PTPRN2: variants seen among roughly 807,000 people sequenced by gnomAD.
The protein encoded by PTPRN2 is receptor-type tyrosine-protein phosphatase N2.
In PTPRN2, 74 loss-of-function variants were observed where a neutral mutation model predicts 118.8. That is an observed-to-expected ratio of 0.62 (90% CI 0.52 to 0.76). The LOEUF (loss-of-function observed/expected upper bound fraction) is 0.76. PTPRN2 is among the 30% of genes least tolerant of loss of function. PTPRN2 has a pLI of 0.00. For missense variants in PTPRN2, 1,481 were observed against 1,394.4 expected (o/e 1.06, Z -0.99); for synonymous variants, 641 against 608.0 (o/e 1.05, Z -0.80).
At position 157,782,379 on chromosome 7, in the gene PTPRN2, G is replaced by A. The variant is rs571612344; in HGVS notation, c.1789-99442C>T. 3.7e-4 allele frequency among the ~76,000 whole-genome samples: 56 copies of A among 152,354 alleles called. No homozygotes were observed. In the South Asian group the frequency reaches 6.4e-3, roughly 17 times the overall value. On this transcript the variant is annotated intron_variant, in intron 12 of 22. Coordinates refer to ENST00000389418, the MANE Select transcript of PTPRN2 (RefSeq NM_002847.5). The stretch of plus-strand genomic sequence containing the variant: ...CCAGGCGGAATCGGTTCCAGCAGGC[G>A]TCTGGGAGGGCCGGTTTGGCCCCAG...
chr7:157,957,051 G>A (rs770854001), intron 11 of PTPRN2, among the ~76,000 whole-genome samples: 1 of 152,200 alleles, frequency 6.6e-6, no homozygotes, highest in Non-Finnish European at 1.5e-5. Flanking sequence ...CCACATGAGC[G>A]AATGGCCACT....
chr7:158,206,572 G>GGA (rs956452390), intron 3 of PTPRN2, among the ~76,000 whole-genome samples: 7 of 152,014 alleles, frequency 4.6e-5, no homozygotes, highest in African/African-American at 9.6e-5. Context: ...GGGGAGGGGG[G>GGA]GAGAGAGAGA....
In PTPRN2 at chr7:157,603,311, G is replaced by C. The variant is rs531036894; in HGVS notation, c.2418+691C>G. ...TGCTCCCCCGACAGGTCATGACAGG[G>C]AAGGGGGATGCCCAGAGTTAAATAG... On this transcript the variant is annotated intron_variant, in intron 16 of 22. Coordinates refer to ENST00000389418, the MANE Select transcript of PTPRN2 (RefSeq NM_002847.5). The surrounding 1 kb of genome is among the most constrained non-coding windows in gnomAD (Gnocchi z 5.4). Among the ~76,000 whole-genome samples the C allele has an allele frequency of 2.0e-4, 30 of 152,298 alleles. No individual in the cohort carries two copies. Among genetic ancestry groups the C allele is most frequent in the African/African-American group, 7.2e-4 (30 of 41,566 alleles).
At chr7:158,010,416 C>A (rs1805958047) in intron 11 of PTPRN2, among the ~76,000 whole-genome samples, 1 of 152,210 alleles carries the variant, frequency 6.6e-6, no homozygotes, top group Non-Finnish European at 1.5e-5. Context: ...GTACACACTA[C>A]ATCATTTCTA....
intron 11 of PTPRN2, among the ~76,000 whole-genome samples, chr7:157,914,865 G>T (rs1038527721): frequency 6.6e-6 from 1 of 151,752 alleles, no homozygotes; most frequent in South Asian, 2.1e-4. Context: ...GTCTCTGTGG[G>T]CTGCGTTTTA....
chr7:158,430,906 C>G (rs957347543), intron 2 of PTPRN2, among the ~76,000 whole-genome samples: 2 of 152,230 alleles, frequency 1.3e-5, no homozygotes, highest in African/African-American at 4.8e-5. Flanking sequence ...CAGTGGCCAT[C>G]TGACCCTGGC....
Position 158,327,151 on chromosome 7 carries a change from G to A in PTPRN2, c.164-10219C>T, listed in dbSNP as rs1448239866. On this transcript the variant is annotated intron_variant, in intron 2 of 22. Transcript: ENST00000389418. The stretch of plus-strand genomic sequence containing the variant: ...CACATACACACTCATATCCACACAC[G>A]TGCACACATTCTCACATGCACACAC... 2.9e-5 allele frequency among the ~76,000 whole-genome samples: 4 copies of A among 137,000 alleles called. No individual in the cohort carries two copies. In the East Asian group the frequency reaches 9.4e-4, roughly 32 times the overall value. 89.9% of individuals were successfully genotyped at this position (137,000 alleles called of 152,430 possible). A position where few individuals can be genotyped will look rare whatever the true frequency, so the allele number is the denominator to read the frequency against.
chr7:158,296,907 G>A (rs888544270), intron 3 of PTPRN2, among the ~76,000 whole-genome samples: 2 of 152,220 alleles, frequency 1.3e-5, no homozygotes, highest in African/African-American at 4.8e-5. Flanking sequence ...GAAGACCACA[G>A]GTGGACACGC....
chr7:157,930,526 A>C (rs1038707680), intron 11 of PTPRN2, among the ~76,000 whole-genome samples: 5 of 152,314 alleles, frequency 3.3e-5, no homozygotes, highest in Admixed American at 3.3e-4. Context: ...GGTTGTAAGC[A>C]CACACACGTG....
At chr7:158,401,044 C>T (rs1437144837) in intron 2 of PTPRN2, among the ~76,000 whole-genome samples, 2 of 152,196 alleles carry the variant, frequency 1.3e-5, no homozygotes, top group African/African-American at 4.8e-5. Context: ...CAGGAACCGA[C>T]ACGCACGAGA....
At chr7:157,628,317 G>A (rs1273044799) in intron 14 of PTPRN2, among the ~76,000 whole-genome samples, 2 of 152,236 alleles carry the variant, frequency 1.3e-5, no homozygotes, top group African/African-American at 2.4e-5. Context: ...TTGAGGTCAA[G>A]GGGCTGATTT....
At chr7:158,018,502 G>A (rs114057135) in intron 11 of PTPRN2, among the ~76,000 whole-genome samples, 11 of 152,278 alleles carry the variant, frequency 7.2e-5, no homozygotes, top group East Asian at 1.9e-4. Flanking sequence ...TACTAGTGAC[G>A]TGCACTTAAC....
chr7:158,006,192 A>G (rs1006936827), intron 11 of PTPRN2, among the ~76,000 whole-genome samples: 1 of 152,218 alleles, frequency 6.6e-6, no homozygotes, highest in Non-Finnish European at 1.5e-5. Flanking sequence ...CACCCTAAGA[A>G]AGCAGCCAAC....
chr7:157,982,135 G>GGGTCCCCTCTAAACCC (rs1563295720), intron 11 of PTPRN2, among the ~76,000 whole-genome samples: 2 of 130,934 alleles, frequency 1.5e-5, no homozygotes, highest in Non-Finnish European at 3.5e-5. Context: ...GCAGAGTGCA[G>GGGTCCCCTCTAAACCC]CGTCCCCCAT....
intron 9 of PTPRN2, among the ~76,000 whole-genome samples, chr7:158,130,142 G>A (rs1208959880): frequency 6.6e-6 from 1 of 152,174 alleles, no homozygotes. Context: ...ATGATATGCA[G>A]CTAATTCTCC....
chr7:158,337,358 G>A (rs1339867256), intron 2 of PTPRN2, among the ~76,000 whole-genome samples: 1 of 81,176 alleles, frequency 1.2e-5, no homozygotes, highest in Non-Finnish European at 2.8e-5. Flanking sequence ...ACCTGCAGAC[G>A]TCCCTCACAC....
intron 11 of PTPRN2, among the ~76,000 whole-genome samples, chr7:158,032,903 G>C (rs1807793742): frequency 6.6e-6 from 1 of 152,196 alleles, no homozygotes; most frequent in South Asian, 2.1e-4. Flanking sequence ...AATAGGCTAA[G>C]CTTATTGTCA....
intron 12 of PTPRN2, among the ~76,000 whole-genome samples, chr7:157,728,298 G>C (rs963671302): frequency 3.3e-5 from 5 of 152,238 alleles, no homozygotes; most frequent in African/African-American, 9.6e-5. Context: ...AGCAGCAAGG[G>C]CTGCTGTTGC....
At chr7:157,553,508 A>C (rs963319830) in intron 21 of PTPRN2, among the ~76,000 whole-genome samples, 1 of 152,174 alleles carries the variant, frequency 6.6e-6, no homozygotes, top group African/African-American at 2.4e-5. Flanking sequence ...TGATGGATAA[A>C]GTCTCTCTTA....
Sources: gnomAD v4.1 joint callset for allele counts (sites outside exome capture counted in the v4.1 genomes callset) on GRCh38, gnomAD v4.1.1 for gene constraint, Gnocchi (gnomAD v3.1) non-coding constraint, MANE v1.5 for transcripts, NCBI Gene and HGNC (gene_info 2026-07-23, HGNC 2026-07-21) for gene names.